Variants in LTBP4 observed in about 807,000 individuals in gnomAD.
The protein encoded by LTBP4 is latent-transforming growth factor beta-binding protein 4.
LTBP4 carries 93 observed loss-of-function variants against 180.2 expected under a neutral mutation model. The ratio of observed to expected loss-of-function variants is 0.52; its 90% CI spans 0.44 to 0.61. The LOEUF is 0.61. Ranked by LOEUF, LTBP4 falls within the 20% of genes least tolerant of loss-of-function variation. The pLI is 0.00. For synonymous variants in LTBP4, 947 were observed against 934.5 expected (o/e 1.01, Z -0.24); for missense variants, 2,116 against 2,256.5 (o/e 0.94, Z 1.26).
intron 1 of LTBP4, among the ~76,000 whole-genome samples, chr19:40,602,857 C>G (rs1424494158): frequency 2.0e-5 from 3 of 152,152 alleles, no homozygotes; most frequent in African/African-American, 4.8e-5. Context: ...AGAGAAATGC[C>G]TCTGGAGCCT....
At chr19:40,628,167 A>G (rs1438513617) in intron 29 of LTBP4, among the ~76,000 whole-genome samples, 1 of 152,180 alleles carries the variant, frequency 6.6e-6, no homozygotes, top group Non-Finnish European at 1.5e-5. Context: ...CTCTTTGGAG[A>G]GCCTCAGTCT....
chr19:40,608,671 G>A, intron 9 of LTBP4, 68 bp downstream of exon 9: 3 of 1,524,884 alleles, frequency 2.0e-6, no homozygotes, highest in Non-Finnish European at 2.6e-6. Context: ...CCAGCATTTT[G>A]GGAGGCTGAG....
chr19:40,612,411 C>G (rs1028073854), intron 15 of LTBP4, among the ~76,000 whole-genome samples: 1 of 152,160 alleles, frequency 6.6e-6, no homozygotes, highest in Non-Finnish European at 1.5e-5. Flanking sequence ...TAACCATCAC[C>G]CTTGATGATA....
In LTBP4 at chr19:40,623,948, G is replaced by A; in HGVS notation, c.3698G>A (p.Cys1233Tyr). Residue 1233 changes from cysteine to tyrosine, a missense_variant, in exon 26 of 30, where the codon TGC (cysteine) becomes TAC (tyrosine). Around this residue, in one of 5 missense-constraint regions of LTBP4, gnomAD observed 278 missense variants for 373.0 expected, o/e 0.75. Coordinates refer to ENST00000396819, the MANE Select transcript of LTBP4 (RefSeq NM_001042545.2). The stretch of plus-strand genomic sequence containing the variant: ...ATCCTCTCCCTAGACAATGACGAGT[G>A]CGCCGATGAGGAACCGGCCTGTGAG... ...QRLECIDNDE[C>Y]ADEEPACEGG... The A allele has an allele frequency of 1.2e-6, 2 of 1,613,956 alleles. No individual in the cohort carries two copies. Among genetic ancestry groups the A allele is most frequent in the Non-Finnish European group, 8.5e-7 (1 of 1,179,866 alleles).
At position 40,614,439 on chromosome 19, in the gene LTBP4, C is replaced by T. The variant is rs991750376; in HGVS notation, c.2805C>T (p.Thr935=). ...DPGYHAGPEG[T]CDDVDECQEY... is the part of the protein sequence containing the mutation. ...GGTACCACGCGGGCCCCGAGGGCAC[C>T]TGTGACGGTGAGCCTGCCCCCACCC... The change falls in exon 19 of 30, where the codon ACC becomes ACT. Residue 935 remains threonine, a synonymous_variant. Transcript: ENST00000396819. The T allele has an allele frequency of 1.9e-6, 3 of 1,598,722 alleles. No homozygotes were observed. The highest frequency in any genetic ancestry group is 2.5e-6 in the Non-Finnish European group (3 of 1,179,542).
Position 40,619,427 on chromosome 19 carries a change from T to G in LTBP4, c.3151T>G (p.Cys1051Gly). 1 of 1,613,936 alleles carries G rather than the reference T, an allele frequency of 6.2e-7. No homozygotes were observed. The change falls in exon 22 of 30, where the codon TGC becomes GGC. Residue 1051 changes from cysteine to glycine, a missense_variant. Cys to Gly is a radical substitution (Grantham distance 159). Coordinates refer to ENST00000396819, the MANE Select transcript of LTBP4 (RefSeq NM_001042545.2). Reference protein sequence around the residue: ...ENVEGSFLCVCPNSPEEFDPM... With the variant: ...ENVEGSFLCVGPNSPEEFDPM... ...TGTCGAAGGCTCCTTCCTCTGTGTC[T>G]GCCCCAACAGCCCGGAAGAGTTTGA...
Position 40,609,920 on chromosome 19 carries a change from C to A in LTBP4, c.1684+49C>A. On this transcript the variant is annotated intron_variant, in intron 11 of 29. Coordinates refer to ENST00000396819, the MANE Select transcript of LTBP4 (RefSeq NM_001042545.2). This position sits in a 1 kb window ranked among gnomAD's most constrained non-coding sequence, Gnocchi z 4.9. ...TCCAGGCCCACCCCAGGGTCTCGCT[C>A]CTGCTCTCACTCCAGAGCCTCTCCA... is the stretch of plus-strand genomic sequence containing the variant. The A allele has an allele frequency of 6.8e-7, 1 of 1,480,494 alleles. No homozygotes were observed. The highest frequency in any genetic ancestry group is 1.3e-5 in the South Asian group (1 of 74,140). The allele number at this position is 1,480,494 out of a possible 1,614,324, so 91.7% of individuals were successfully genotyped here. A position where few individuals can be genotyped will look rare whatever the true frequency, so the allele number is the denominator to read the frequency against.
chr19:40,600,754 C>T (rs1316953766), upstream of LTBP4, among the ~76,000 whole-genome samples: 2 of 152,152 alleles, frequency 1.3e-5, no homozygotes, highest in African/African-American at 2.4e-5. The surrounding 1 kb of genome is among the most constrained non-coding windows in gnomAD (Gnocchi z 4.4). Flanking sequence ...CCGCCCACAG[C>T]CTCCCTTTAT....
chr19:40,627,607 T>A (rs971683093), intron 28 of LTBP4, 98 bp from the exon 29 acceptor site: 2 of 1,477,768 alleles, frequency 1.4e-6, no homozygotes, highest in African/African-American at 2.8e-5. Flanking sequence ...ATGGACAGTT[T>A]ACAGCGAGAA....
At chr19:40,599,759 G>A (rs1194217534), upstream of LTBP4, 2 of 586,904 alleles carry the variant, frequency 3.4e-6, no homozygotes, top group Non-Finnish European at 6.0e-6. Flanking sequence ...CATTATTTCT[G>A]TCTCTTTCTG....
rs754757253 is a variant in LTBP4, at chr19:40,627,005, G to GC, written c.4023dup (p.Ala1342ArgfsTer3). On this transcript the variant is annotated frameshift_variant, in exon 28 of 30. Coordinates refer to ENST00000396819, the MANE Select transcript of LTBP4 (RefSeq NM_001042545.2). LOFTEE classifies it high-confidence loss of function. ...TTCGAGGCCCTGTGCAATGTGCTAC[G>GC]CCCCCCCGCATATAGCCCCCCGCGA... 59 of 1,586,478 alleles carry GC rather than the reference G, an allele frequency of 3.7e-5. No individual in the cohort carries two copies. Among genetic ancestry groups the GC allele is most frequent in the Non-Finnish European group, 2.8e-5 (33 of 1,163,282 alleles).
At chr19:40,599,312 G>T (rs2081407701), upstream of LTBP4, 3 of 1,611,884 alleles carry the variant, frequency 1.9e-6, no homozygotes, top group South Asian at 2.2e-5. Flanking sequence ...GAGGAGAGGG[G>T]CAGGGAGCTC....
chr19:40,627,221 A>G lies in LTBP4; in HGVS notation c.4232A>G (p.Asp1411Gly). Residue 1411 changes from aspartate to glycine, a missense_variant, in exon 28 of 30, where the codon GAC (aspartate) becomes GGC (glycine). This residue lies in a region of LTBP4 where 488 missense variants were observed against 458.8 expected (regional missense o/e 1.06). Transcript: ENST00000396819. ...APRFDMPDFE[D>G]DGGPYGESEA... ...CGCTTCGACATGCCAGACTTTGAGG[A>G]CGATGGTGGCCCCTATGGCGAATCT... 6.2e-7 allele frequency: 1 copy of G among 1,607,496 alleles called. No homozygotes were observed. Among genetic ancestry groups the G allele is most frequent in the Non-Finnish European group, 8.5e-7 (1 of 1,177,710 alleles).
At position 40,611,928 on chromosome 19, in the gene LTBP4, T is replaced by C; in HGVS notation, c.2123T>C (p.Phe708Ser). The C allele has an allele frequency of 6.2e-7, 1 of 1,610,422 alleles. No individual in the cohort carries two copies. Among genetic ancestry groups the C allele is most frequent in the East Asian group, 2.2e-5 (1 of 44,738 alleles). Residue 708 changes from phenylalanine to serine, a missense_variant, in exon 14 of 30, where the codon TTC (phenylalanine) becomes TCC (serine). Coordinates refer to ENST00000396819, the MANE Select transcript of LTBP4 (RefSeq NM_001042545.2). This position sits in a 1 kb window ranked among gnomAD's most constrained non-coding sequence, Gnocchi z 4.4. ...YGRCENTEGS[F>S]QCVCPMGFQP... ...CGGTGTGAGAACACAGAAGGCAGCT[T>C]CCAGTGTGTCTGCCCCATGGGCTTC...
In LTBP4 at chr19:40,612,113, G is replaced by T; in HGVS notation, c.2220G>T (p.Gln740His). 1 of 1,613,706 alleles carries T rather than the reference G, an allele frequency of 6.2e-7. No individual in the cohort carries two copies. The highest frequency in any genetic ancestry group is 1.3e-5 in the African/African-American group (1 of 75,028). Residue 740 changes from glutamine (Q) to histidine (H), a missense_variant, in exon 15 of 30, where the codon CAG becomes CAT. Physicochemically the swap from Gln to His is conservative, Grantham distance 24 (BLOSUM62 0). This residue lies in a region of LTBP4 where 877 missense variants were observed against 873.6 expected (regional missense o/e 1.00). Transcript: ENST00000396819. ...ECENHLACPG[Q>H]ECVNSPGSFQ... Reference sequence around the variant, plus strand: ...AGAACCACCTCGCATGCCCTGGGCAGGAGTGTGTGAACTCGCCCGGCTCCT... The same window carrying T: ...AGAACCACCTCGCATGCCCTGGGCATGAGTGTGTGAACTCGCCCGGCTCCT...
At chr19:40,608,459 C>A (rs374236654) in intron 8 of LTBP4, 25 bp from the exon 9 acceptor site, 9 of 1,592,810 alleles carry the variant, frequency 5.7e-6, no homozygotes, top group Non-Finnish European at 6.8e-6. Flanking sequence ...TTGGGCTCCA[C>A]TCGTTGATAC....
At chr19:40,620,287 G>A (rs1002728652) in intron 22 of LTBP4, among the ~76,000 whole-genome samples, 2 of 149,616 alleles carry the variant, frequency 1.3e-5, no homozygotes, top group Non-Finnish European at 1.5e-5. Flanking sequence ...CACCCAGGCC[G>A]GAGTGCAGTG....
Position 40,607,223 on chromosome 19 carries a change from C to T in LTBP4, c.992-142C>T, listed in dbSNP as rs536289411. The T allele has an allele frequency of 1.6e-4, 114 of 721,098 alleles. 1 individual carries two copies. The highest frequency in any genetic ancestry group is 1.4e-3 in the African/African-American group (81 of 56,944). 44.7% of individuals were successfully genotyped at this position (721,098 alleles called of 1,614,324 possible). ...CAGAGCCCACTGCTCTCCTTCAGACCCTCTCAGACCTCTCCCAAATGCCCC... is the reference window on the plus strand; with the variant it reads ...CAGAGCCCACTGCTCTCCTTCAGACTCTCTCAGACCTCTCCCAAATGCCCC... On this transcript the variant is annotated intron_variant, in intron 6 of 29. Transcript: ENST00000396819.
rs759974477 is a variant in LTBP4, at chr19:40,609,701, G to A, written c.1558+40G>A. On this transcript the variant is annotated intron_variant, in intron 10 of 29. Coordinates refer to ENST00000396819, the MANE Select transcript of LTBP4 (RefSeq NM_001042545.2). This position sits in a 1 kb window ranked among gnomAD's most constrained non-coding sequence, Gnocchi z 4.9. ...GGGCGCGGAAGGAGGCGGGGCGGGG[G>A]GCTTTGCCTGGTCACCTTGTCACCA... is the stretch of plus-strand genomic sequence containing the variant. 5 of 1,611,394 alleles carry A rather than the reference G, an allele frequency of 3.1e-6. No homozygotes were observed. The highest frequency in any genetic ancestry group is 1.3e-5 in the African/African-American group (1 of 74,880).
Sources: gnomAD v4.1 joint callset for allele counts (sites outside exome capture counted in the v4.1 genomes callset) on GRCh38, gnomAD v4.1.1 for gene constraint, gnomAD v4.1.1 regional missense constraint, Gnocchi (gnomAD v3.1) non-coding constraint, MANE v1.5 for transcripts, NCBI Gene and HGNC (gene_info 2026-07-23, HGNC 2026-07-21) for gene names.